TMEM161B: variants seen among roughly 807,000 people sequenced by gnomAD.
TMEM161B encodes transmembrane protein 161B.
In TMEM161B, 34 loss-of-function variants were observed where a neutral mutation model predicts 61.8. The ratio of observed to expected loss-of-function variants is 0.55; its 90% confidence interval spans 0.42 to 0.73. TMEM161B has a LOEUF of 0.73. TMEM161B is among the 30% of genes least tolerant of loss of function. The pLI is 0.00. For missense variants in TMEM161B, 456 were observed against 558.5 expected (o/e 0.82, Z 1.85); for synonymous variants, 167 against 192.8 (o/e 0.87, Z 1.11).
At chr5:88,257,765 G>A (rs1755161277) in intron 1 of TMEM161B, among the ~76,000 whole-genome samples, 1 of 152,138 alleles carries the variant, frequency 6.6e-6, no homozygotes, top group Admixed American at 6.5e-5. Flanking sequence ...GATTAAATAA[G>A]CTAATATTTA....
At chr5:88,261,682 AC>A (rs1330050489) in intron 1 of TMEM161B, among the ~76,000 whole-genome samples, 4 of 149,978 alleles carry the variant, frequency 2.7e-5, no homozygotes, top group Non-Finnish European at 4.4e-5. Flanking sequence ...AAAAAAAAAA[AC>A]AAACAAATTT....
At chr5:88,256,247 T>C (rs918540972) in intron 1 of TMEM161B, among the ~76,000 whole-genome samples, 10 of 152,194 alleles carry the variant, frequency 6.6e-5, no homozygotes, top group African/African-American at 2.2e-4. Flanking sequence ...AGCAATGCCA[T>C]AGTCATTAAA....
At chr5:88,258,399 C>T (rs544548216) in intron 1 of TMEM161B, among the ~76,000 whole-genome samples, 1 of 152,194 alleles carries the variant, frequency 6.6e-6, no homozygotes, top group East Asian at 1.9e-4. Flanking sequence ...GTTAATTAAT[C>T]TCACAGAGGA....
At chr5:88,260,497 G>A (rs1755546282) in intron 1 of TMEM161B, among the ~76,000 whole-genome samples, 1 of 152,032 alleles carries the variant, frequency 6.6e-6, no homozygotes, top group Non-Finnish European at 1.5e-5. Context: ...TGTTTCCCTG[G>A]CTGGAGCACA....
intron 5 of TMEM161B, among the ~76,000 whole-genome samples, chr5:88,208,620 C>T (rs1262797329): frequency 1.3e-5 from 2 of 151,682 alleles, no homozygotes; most frequent in African/African-American, 4.8e-5. Flanking sequence ...CCAGTCTGGG[C>T]AACAAGAGTG....
At chr5:88,221,724 T>C in intron 4 of TMEM161B, 1 of 456,214 alleles carries the variant, frequency 2.2e-6, no homozygotes. Flanking sequence ...TACCAGAGTG[T>C]AGTCCAAAAC....
chr5:88,261,133 T>G (rs1755635405), intron 1 of TMEM161B, among the ~76,000 whole-genome samples: 1 of 152,092 alleles, frequency 6.6e-6, no homozygotes, highest in Non-Finnish European at 1.5e-5. Context: ...ATATTAGCAA[T>G]GAACAAGTGA....
At chr5:88,249,949 A>T (rs1422599722) in intron 1 of TMEM161B, among the ~76,000 whole-genome samples, 2 of 152,136 alleles carry the variant, frequency 1.3e-5, no homozygotes, top group African/African-American at 4.8e-5. Context: ...CCCACAACAA[A>T]GTTTTAACTA....
chr5:88,204,980 A>G (rs1386061249), intron 8 of TMEM161B, among the ~76,000 whole-genome samples: 1 of 152,190 alleles, frequency 6.6e-6, no homozygotes, highest in African/African-American at 2.4e-5. Context: ...AAATAAGATT[A>G]CCCAGATAAA....
Position 88,206,919 on chromosome 5 carries a change from T to C in TMEM161B, c.598+110A>G, listed in dbSNP as rs1269611198. 3.2e-6 allele frequency: 3 copies of C among 946,452 alleles called. No individual in the cohort carries two copies. The African/African-American group carries it at 5.0e-5, about 16-fold the overall frequency. 58.6% of individuals were successfully genotyped at this position (946,452 alleles called of 1,614,324 possible). Reference sequence around the variant, plus strand: ...ATTTTGAACATTACAGAGTATACACTTTAAATTTAATTTTAGATATTTATC... The same window carrying C: ...ATTTTGAACATTACAGAGTATACACCTTAAATTTAATTTTAGATATTTATC... On this transcript the variant is annotated intron_variant, in intron 6 of 11. Transcript: ENST00000296595.
At chr5:88,207,737 ATC>A (rs1241649647) in intron 5 of TMEM161B, among the ~76,000 whole-genome samples, 2 of 152,210 alleles carry the variant, frequency 1.3e-5, no homozygotes, top group Non-Finnish European at 2.9e-5. Context: ...AGATTATCTT[ATC>A]TGAACCACCC....
chr5:88,199,928 C>T (rs968324169), intron 9 of TMEM161B: 1 of 151,964 alleles, frequency 6.6e-6, no homozygotes, highest in South Asian at 2.1e-4. Flanking sequence ...GACTAGACCA[C>T]CCTTGGCATC....
intron 2 of TMEM161B, among the ~76,000 whole-genome samples, chr5:88,232,623 G>T (rs192423887): frequency 6.6e-6 from 1 of 151,952 alleles, no homozygotes; most frequent in Non-Finnish European, 1.5e-5. Flanking sequence ...ACCCAGGCTG[G>T]AGTGCGGTAG....
downstream of TMEM161B, among the ~76,000 whole-genome samples, chr5:88,190,793 C>T (rs190402544): frequency 2.4e-4 from 36 of 152,164 alleles, no homozygotes; most frequent in African/African-American, 8.4e-4. Flanking sequence ...GATTTCAGTC[C>T]CATCTGGTTT....
chr5:88,209,941 T>A (rs1161751703), intron 5 of TMEM161B, among the ~76,000 whole-genome samples: 1 of 152,220 alleles, frequency 6.6e-6, no homozygotes, highest in Non-Finnish European at 1.5e-5. Flanking sequence ...CCTTCCCAGC[T>A]GAGGCCATTC....
chr5:88,212,939 TTC>T (rs1747103677), intron 5 of TMEM161B, among the ~76,000 whole-genome samples: 1 of 152,216 alleles, frequency 6.6e-6, no homozygotes, highest in Non-Finnish European at 1.5e-5. Flanking sequence ...TCAAAAAACT[TTC>T]ACAAATTTAT....
intron 1 of TMEM161B, among the ~76,000 whole-genome samples, chr5:88,241,753 A>C (rs1229940787): frequency 6.6e-6 from 1 of 151,768 alleles, no homozygotes; most frequent in Non-Finnish European, 1.5e-5. Context: ...ATGATGGCTA[A>C]TTCAAACCTT....
intron 10 of TMEM161B, chr5:88,198,526 TG>T (rs1399024356): frequency 6.6e-6 from 1 of 152,540 alleles, no homozygotes; most frequent in African/African-American, 2.4e-5. Context: ...TAGTGGCAGA[TG>T]GATTCCTTGT....
At chr5:88,220,479 CAT>C (rs1748701236) in intron 5 of TMEM161B, 82 bp downstream of exon 5, 1 of 1,118,520 alleles carries the variant, frequency 8.9e-7, no homozygotes, top group Non-Finnish European at 1.2e-6. Context: ...TATCTAATGA[CAT>C]AAAATCTTTC....
Sources: allele counts gnomAD v4.1 joint callset (sites outside exome capture counted in the v4.1 genomes callset), GRCh38; gene constraint gnomAD v4.1.1; transcripts MANE v1.5; gene names NCBI Gene and HGNC (gene_info 2026-07-23, HGNC 2026-07-21).